Variants in ACKR2 observed in about 807,000 individuals in gnomAD.
ACKR2 encodes C-C chemokine receptor D6.
For missense variants in ACKR2, 457 were observed against 477.3 expected (o/e 0.96, Z 0.40); for synonymous variants, 207 against 192.2 (o/e 1.08, Z -0.64).
chr3:42,833,902 C>T (rs1188399823), intron 2 of ACKR2, among the ~76,000 whole-genome samples: 1 of 152,036 alleles, frequency 6.6e-6, no homozygotes, highest in African/African-American at 2.4e-5. Context: ...GATGTGTTCA[C>T]TTTGTGTCTC....
intron 2 of ACKR2, 75 bp downstream of exon 2, chr3:42,819,786 G>A (rs1287365494): frequency 6.6e-6 from 1 of 152,262 alleles, no homozygotes; most frequent in Non-Finnish European, 1.5e-5. Flanking sequence ...GGGGCTGCAG[G>A]CCCTTCTGGC....
At chr3:42,856,349 G>A in intron 2 of ACKR2, 1 of 702,312 alleles carries the variant, frequency 1.4e-6, no homozygotes, top group South Asian at 1.5e-5. Flanking sequence ...GAGGACTCCA[G>A]GGCTCCCTCA....
rs556938540 is a variant in ACKR2, at chr3:42,840,941, C to T, written c.-38+21230C>T. Among the ~76,000 whole-genome samples, 684 of 152,284 alleles carry T rather than the reference C, an allele frequency of 4.5e-3. 6 individuals carry two copies. The highest frequency in any genetic ancestry group is 0.016 in the African/African-American group (658 of 41,554). On this transcript the variant is annotated intron_variant, in intron 2 of 2. Transcript: ENST00000422265. ...CTGACCTCAGGCAATCCGCCCACCT[C>T]GGCCTCCCAAAGTGCTGGGATTACA... is the stretch of plus-strand genomic sequence containing the variant.
intron 1 of ACKR2, among the ~76,000 whole-genome samples, chr3:42,815,125 G>A (rs557438752): frequency 7.2e-5 from 11 of 152,268 alleles, no homozygotes; most frequent in South Asian, 2.1e-4. Context: ...ATTAGGTGCC[G>A]CCTGAAGACG....
At chr3:42,836,086 A>T (rs1364964376) in intron 2 of ACKR2, 1 of 152,146 alleles carries the variant, frequency 6.6e-6, no homozygotes, top group African/African-American at 2.4e-5. Flanking sequence ...GAACTGCTCC[A>T]GGAATGCATT....
intron 2 of ACKR2, among the ~76,000 whole-genome samples, chr3:42,860,324 C>T (rs1471101899): frequency 6.6e-6 from 1 of 151,970 alleles, no homozygotes; most frequent in Non-Finnish European, 1.5e-5. Context: ...TATATATGCA[C>T]CCAAAACAGG....
intron 2 of ACKR2, among the ~76,000 whole-genome samples, chr3:42,820,926 C>T (rs192805102): frequency 1.3e-5 from 2 of 151,520 alleles, no homozygotes; most frequent in Admixed American, 1.3e-4. Context: ...ACACTGTTGC[C>T]TGGGCTAAAG....
intron 1 of ACKR2, among the ~76,000 whole-genome samples, chr3:42,815,582 A>T (rs991767120): frequency 2.6e-5 from 4 of 152,258 alleles, no homozygotes; most frequent in African/African-American, 9.6e-5. Context: ...GTTGTATTTA[A>T]AACTTGCCTA....
Position 42,843,755 on chromosome 3 carries a change from T to C in ACKR2, c.-37-20711T>C, listed in dbSNP as rs138126467. ...CCCAGAACTCTCCATTTAGAGGGAA[T>C]TGAGTTCTTTAGGAGAGAGGACTGG... On this transcript the variant is annotated intron_variant, in intron 2 of 2. Coordinates refer to ENST00000422265, the MANE Select transcript of ACKR2 (RefSeq NM_001296.5). Among the ~76,000 whole-genome samples the C allele has an allele frequency of 1.2e-4, 19 of 152,350 alleles. No individual in the cohort carries two copies. The East Asian group carries it at 3.5e-3, about 28-fold the overall frequency.
At chr3:42,817,882 C>T (rs1700769815) in intron 1 of ACKR2, among the ~76,000 whole-genome samples, 1 of 152,204 alleles carries the variant, frequency 6.6e-6, no homozygotes, top group Admixed American at 6.5e-5. Context: ...CTCTTCTTCT[C>T]ATTCTCCTTC....
rs148864025 is a variant in ACKR2, at chr3:42,852,142, C to T, written c.-37-12324C>T. Among the ~76,000 whole-genome samples the T allele has an allele frequency of 5.3e-5, 8 of 152,282 alleles. No homozygotes were observed. The highest frequency in any genetic ancestry group is 2.6e-4 in the Admixed American group (4 of 15,294). ...TATCAGAGAGGTTAAATAATGAGCT[C>T]GGAGTTGCACAGCCATTAAGAAGTG... On this transcript the variant is annotated intron_variant, in intron 2 of 2. Transcript: ENST00000422265. The surrounding 1 kb of genome is among the most constrained non-coding windows in gnomAD (Gnocchi z 4.3).
intron 2 of ACKR2, among the ~76,000 whole-genome samples, chr3:42,840,296 T>C (rs918492364): frequency 9.7e-6 from 1 of 103,056 alleles, no homozygotes; most frequent in African/African-American, 3.6e-5. Context: ...GGAAATGAAA[T>C]AGAGTATCCA....
At chr3:42,818,302 T>A (rs1174669724) in intron 1 of ACKR2, among the ~76,000 whole-genome samples, 1 of 152,206 alleles carries the variant, frequency 6.6e-6, no homozygotes, top group Admixed American at 6.5e-5. Flanking sequence ...TCACCAAACA[T>A]GAAAGCTGGG....
intron 1 of ACKR2, among the ~76,000 whole-genome samples, chr3:42,812,003 T>C (rs1461886809): frequency 1.3e-5 from 2 of 152,192 alleles, no homozygotes; most frequent in Non-Finnish European, 2.9e-5. Flanking sequence ...GTGAAAATAG[T>C]AATCAATAAA....
intron 2 of ACKR2, among the ~76,000 whole-genome samples, chr3:42,839,557 C>T (rs1315693208): frequency 6.6e-6 from 1 of 152,062 alleles, no homozygotes; most frequent in African/African-American, 2.4e-5. Flanking sequence ...CAAATGAAAC[C>T]AACACAAAAG....
rs146641213 is a variant in ACKR2, at chr3:42,865,133, C to A, written c.631C>A (p.Arg211Ser). ...TGGGACCATTTGGAAGCTCTTCCTC[C>A]GCTTCCAGCAGAACCTCCTAGGGTT... Reference protein sequence around the residue: ...GHGTIWKLFLRFQQNLLGFLL... With the variant: ...GHGTIWKLFLSFQQNLLGFLL... Residue 211 changes from arginine to serine, a missense_variant, in exon 3 of 3, where the codon CGC (arginine) becomes AGC (serine). Transcript: ENST00000422265. The A allele has an allele frequency of 6.2e-7, 1 of 1,614,006 alleles. No homozygotes were observed. Among genetic ancestry groups the A allele is most frequent in the South Asian group, 1.1e-5 (1 of 91,072 alleles).
At chr3:42,849,172 TTAGTCAG>T (rs1216998008) in intron 2 of ACKR2, among the ~76,000 whole-genome samples, 1 of 152,186 alleles carries the variant, frequency 6.6e-6, no homozygotes, top group Non-Finnish European at 1.5e-5. Flanking sequence ...GTTTAGATTC[TTAGTCAG>T]TACTGTGATT....
chr3:42,830,368 A>C (rs1023064353), intron 2 of ACKR2, among the ~76,000 whole-genome samples: 1 of 152,102 alleles, frequency 6.6e-6, no homozygotes, highest in Non-Finnish European at 1.5e-5. Context: ...TCCCTGCCTC[A>C]GCCTCCCAAA....
chr3:42,844,154 G>A (rs972105789), intron 2 of ACKR2: 5 of 152,196 alleles, frequency 3.3e-5, no homozygotes, highest in African/African-American at 1.2e-4. Flanking sequence ...ATATGAAATT[G>A]CCATTTTTAT....
Sources: allele counts gnomAD v4.1 joint callset (sites outside exome capture counted in the v4.1 genomes callset), GRCh38; gene constraint gnomAD v4.1.1; non-coding constraint Gnocchi (gnomAD v3.1); transcripts MANE v1.5; gene names NCBI Gene and HGNC (gene_info 2026-07-23, HGNC 2026-07-21).